The following PIEZO2 variants were observed in gnomAD, a reference collection of about 807,000 sequenced individuals.
The protein encoded by PIEZO2 is piezo type mechanosensitive ion channel component 2.
Under a neutral mutation model 337.3 loss-of-function variants are expected in PIEZO2, and 172 were observed. The ratio of observed to expected loss-of-function variants is 0.51; its 90% CI spans 0.45 to 0.58. PIEZO2 has a LOEUF of 0.58. Ranked by LOEUF, PIEZO2 falls within the 20% of genes least tolerant of loss-of-function variation. The probability of loss-of-function intolerance (pLI) is 0.00; values close to 1 mark genes in which losing one functional copy is unlikely to be tolerated. For synonymous variants in PIEZO2, 1,251 were observed against 1,228.5 expected, an observed-to-expected ratio of 1.02 and a Z score of -0.38; for missense variants, 3,028 against 3,391.3, an observed-to-expected ratio of 0.89 and a Z score of 2.66.
At chr18:10,703,420 G>T (rs370874045) in intron 42 of PIEZO2, among the ~76,000 whole-genome samples, 6 of 152,196 alleles carry the variant, frequency 3.9e-5, no homozygotes, top group Non-Finnish European at 5.9e-5. Flanking sequence ...TAAGATGCAT[G>T]CTATCAATAC....
At chr18:11,059,238 C>T (rs1177566593) in intron 2 of PIEZO2, among the ~76,000 whole-genome samples, 1 of 151,410 alleles carries the variant, frequency 6.6e-6, no homozygotes, top group Non-Finnish European at 1.5e-5. Flanking sequence ...GCCTACCCTA[C>T]AAGAGCTCCT....
At chr18:10,681,972 CA>C (rs1327268505) in intron 50 of PIEZO2, 131 bp downstream of exon 50, 1 of 949,696 alleles carries the variant, frequency 1.1e-6, no homozygotes, top group African/African-American at 1.7e-5. Context: ...ATTCATACAT[CA>C]AGTATTTGCT....
intron 2 of PIEZO2, among the ~76,000 whole-genome samples, chr18:11,057,417 T>A (rs888298159): frequency 2.0e-5 from 3 of 152,198 alleles, no homozygotes; most frequent in African/African-American, 7.2e-5. Context: ...AAGCCCAGAT[T>A]TCTAAAAACA....
At chr18:11,050,850 G>C (rs1455090446) in intron 2 of PIEZO2, among the ~76,000 whole-genome samples, 1 of 150,394 alleles carries the variant, frequency 6.6e-6, no homozygotes, top group Non-Finnish European at 1.5e-5. Context: ...AATATATCTG[G>C]GGAATTGCTA....
intron 1 of PIEZO2, among the ~76,000 whole-genome samples, chr18:11,120,222 C>T (rs967860859): frequency 5.3e-5 from 8 of 152,186 alleles, no homozygotes; most frequent in African/African-American, 1.9e-4. Context: ...TTAAACTTCT[C>T]ATCTGTTACA....
intron 9 of PIEZO2, among the ~76,000 whole-genome samples, chr18:10,802,637 A>G (rs2039863602): frequency 6.6e-6 from 1 of 152,166 alleles, no homozygotes; most frequent in African/African-American, 2.4e-5. Flanking sequence ...GTAGATAAAG[A>G]AAATCTGGCT....
intron 7 of PIEZO2, among the ~76,000 whole-genome samples, chr18:10,841,617 G>A (rs1384853175): frequency 3.9e-5 from 6 of 152,170 alleles, no homozygotes; most frequent in Non-Finnish European, 5.9e-5. Context: ...TCAAAATTAA[G>A]GGAGAAATTA....
chr18:10,694,701 G>A (rs559281089), intron 47 of PIEZO2, among the ~76,000 whole-genome samples: 1 of 152,286 alleles, frequency 6.6e-6, no homozygotes, highest in East Asian at 1.9e-4. Flanking sequence ...CAGGAGCGGT[G>A]ATGTGCACCT....
chr18:10,750,485 C>A lies in PIEZO2; in HGVS notation c.4168-298G>T, dbSNP rs1401421621. Reference sequence around the variant, plus strand: ...ACGATCATAGAAATAAATCCCAACTCTGTGATAATGAATGGGTGTGCACTG... The same window carrying A: ...ACGATCATAGAAATAAATCCCAACTATGTGATAATGAATGGGTGTGCACTG... On this transcript the variant is annotated intron_variant, in intron 28 of 55. Transcript: ENST00000674853. The surrounding 1 kb of genome is among the most constrained non-coding windows in gnomAD (Gnocchi z 4.1). 6.6e-6 allele frequency among the ~76,000 whole-genome samples: 1 copy of A among 152,232 alleles called. No individual in the cohort carries two copies. The highest frequency in any genetic ancestry group is 1.5e-5 in the Non-Finnish European group (1 of 68,046).
intron 1 of PIEZO2, among the ~76,000 whole-genome samples, chr18:11,091,868 C>T (rs1172993748): frequency 1.3e-5 from 2 of 152,236 alleles, no homozygotes; most frequent in African/African-American, 2.4e-5. Flanking sequence ...TCAAGTCTCA[C>T]GTCTCAGTGT....
At chr18:10,770,404 C>T (rs1481349644) in intron 20 of PIEZO2, 96 bp from the exon 21 acceptor site, 3 of 1,241,990 alleles carry the variant, frequency 2.4e-6, no homozygotes, top group Middle Eastern at 2.0e-4. Context: ...TGAGAGGCTG[C>T]AAAATAATTA....
chr18:10,896,364 T>A (rs1397747409), intron 4 of PIEZO2, among the ~76,000 whole-genome samples: 1 of 152,164 alleles, frequency 6.6e-6, no homozygotes, highest in Non-Finnish European at 1.5e-5. Context: ...TGTCTTCTTA[T>A]CCTCCCTGCA....
rs566445821 is a variant in PIEZO2, at chr18:10,980,230, G to T, written c.161-570C>A. The stretch of plus-strand genomic sequence containing the variant: ...GGTTTATTATAGAAAAACCCTAAAA[G>T]TATAGTTAACATTAACAAATCAATA... On this transcript the variant is annotated intron_variant, in intron 2 of 55. Transcript: ENST00000674853. The surrounding 1 kb of genome is among the most constrained non-coding windows in gnomAD (Gnocchi z 4.8). Among the ~76,000 whole-genome samples, 8 of 152,110 alleles carry T rather than the reference G, an allele frequency of 5.3e-5. No individual in the cohort carries two copies. In the South Asian group the frequency reaches 1.7e-3, roughly 32 times the overall value.
rs2039193961 is a variant in PIEZO2, at chr18:11,094,213, T to C, written c.65-27991A>G. The stretch of plus-strand genomic sequence containing the variant: ...AGGCTCTTCTCTCTACTGTGATAAT[T>C]TGATTAGCTCCTTTATGTTCCAGCT... On this transcript the variant is annotated intron_variant, in intron 1 of 55. Transcript: ENST00000674853. The surrounding 1 kb of genome is among the most constrained non-coding windows in gnomAD (Gnocchi z 4.4). Among the ~76,000 whole-genome samples, 4 of 152,132 alleles carry C rather than the reference T, an allele frequency of 2.6e-5. No homozygotes were observed. The highest frequency in any genetic ancestry group is 7.2e-5 in the African/African-American group (3 of 41,434).
intron 51 of PIEZO2, 129 bp downstream of exon 51, chr18:10,681,532 A>C: frequency 1.4e-6 from 1 of 704,558 alleles, no homozygotes; most frequent in Non-Finnish European, 2.5e-6. Context: ...AATGTGCTCT[A>C]TGTAACTGAT....
In PIEZO2 at chr18:10,943,203, G is replaced by A. The variant is rs1480762919; in HGVS notation, c.287-31975C>T. 6.6e-6 allele frequency among the ~76,000 whole-genome samples: 1 copy of A among 152,186 alleles called. No individual in the cohort carries two copies. The highest frequency in any genetic ancestry group is 2.4e-5 in the African/African-American group (1 of 41,454). On this transcript the variant is annotated intron_variant, in intron 3 of 55. Coordinates refer to ENST00000674853, the MANE Select transcript of PIEZO2 (RefSeq NM_001378183.1). This position sits in a 1 kb window ranked among gnomAD's most constrained non-coding sequence, Gnocchi z 4.5. Reference sequence around the variant, plus strand: ...AGTCCCTACTGGGGCACCACCTAGTGGAGCTGTGAGAAGAGGGCCACTGCC... The same window carrying A: ...AGTCCCTACTGGGGCACCACCTAGTAGAGCTGTGAGAAGAGGGCCACTGCC...
rs1254676166 is a variant in PIEZO2 at position 10,789,181 on chromosome 18, G to A, written c.2067C>T (p.Tyr689=). The change falls in exon 15 of 56, where the codon TAC becomes TAT. Residue 689 remains tyrosine (Y), a synonymous_variant. Coordinates refer to ENST00000674853, the MANE Select transcript of PIEZO2 (RefSeq NM_001378183.1). ...CGAAGAAGAACATGCCTCCGCAGAC[G>A]TAGATCCAGTACTTGATGAACATGG... ...VVAMFIKYWI[Y]VCGGMFFFVS... The A allele has an allele frequency of 7.8e-6, 12 of 1,537,140 alleles. No homozygotes were observed. The highest frequency in any genetic ancestry group is 2.4e-5 in the South Asian group (2 of 84,074).
intron 4 of PIEZO2, among the ~76,000 whole-genome samples, chr18:10,910,009 T>A (rs1348906193): frequency 6.6e-6 from 1 of 152,228 alleles, no homozygotes; most frequent in Non-Finnish European, 1.5e-5. Flanking sequence ...GATGTGCTAT[T>A]CTTTATTGCT....
chr18:10,726,879 G>A lies in PIEZO2; in HGVS notation c.5029+4528C>T, dbSNP rs889874125. On this transcript the variant is annotated intron_variant, in intron 36 of 55. Coordinates refer to ENST00000674853, the MANE Select transcript of PIEZO2 (RefSeq NM_001378183.1). This position sits in a 1 kb window ranked among gnomAD's most constrained non-coding sequence, Gnocchi z 5.9. Reference sequence around the variant, plus strand: ...TGGCACGCTACCGGCAGCAGCTGAAGCACATCATGGCCACCAACCGGCTGG... The same window carrying A: ...TGGCACGCTACCGGCAGCAGCTGAAACACATCATGGCCACCAACCGGCTGG... 3.1e-5 allele frequency: 50 copies of A among 1,597,644 alleles called. No homozygotes were observed. The Admixed American group carries it at 8.4e-4, about 27-fold the overall frequency.
Sources: gnomAD v4.1 joint callset for allele counts (sites outside exome capture counted in the v4.1 genomes callset) on GRCh38, gnomAD v4.1.1 for gene constraint, Gnocchi (gnomAD v3.1) non-coding constraint, MANE v1.5 for transcripts, NCBI Gene and HGNC (gene_info 2026-07-23, HGNC 2026-07-21) for gene names.